SPTB: variants seen among roughly 807,000 people sequenced by gnomAD.
The protein encoded by SPTB is spectrin beta, erythrocytic.
A neutral mutation model predicts 256.2 loss-of-function variants in SPTB; 45 were observed. The observed-to-expected ratio is 0.18, with a 90% CI of 0.14 to 0.23. The LOEUF (loss-of-function observed/expected upper bound fraction) is 0.23. Among genes scored for constraint, SPTB ranks in the 10% least tolerant of loss-of-function variants. The pLI is 1.00. For synonymous variants in SPTB, 1,231 were observed against 1,243.1 expected, an observed-to-expected ratio of 0.99 and a Z score of 0.21; for missense variants, 2,715 against 3,040.4, an observed-to-expected ratio of 0.89 and a Z score of 2.52.
intron 1 of SPTB, among the ~76,000 whole-genome samples, chr14:64,840,390 A>G (rs2083588267): frequency 2.0e-5 from 3 of 152,242 alleles, no homozygotes; most frequent in Admixed American, 6.5e-5. Flanking sequence ...TTTTTGTGAC[A>G]TTCGTTTAGA....
rs1398840374 is a variant in SPTB at position 64,844,444 on chromosome 14, T to C, written c.-51-21299A>G. On this transcript the variant is annotated intron_variant, in intron 1 of 35. Transcript: ENST00000644917. This position sits in a 1 kb window ranked among gnomAD's most constrained non-coding sequence, Gnocchi z 4.1. ...CACCATGCTAAGTGCCTGACATACA[T>C]ACCTCCTTTCATCATCAGTGCTCTC... Among the ~76,000 whole-genome samples, 1 of 152,230 alleles carries C rather than the reference T, an allele frequency of 6.6e-6. No individual in the cohort carries two copies. The highest frequency in any genetic ancestry group is 1.5e-5 in the Non-Finnish European group (1 of 68,040).
intron 2 of SPTB, among the ~76,000 whole-genome samples, chr14:64,820,922 C>T (rs2083275058): frequency 6.6e-6 from 1 of 152,114 alleles, no homozygotes; most frequent in Non-Finnish European, 1.5e-5. Context: ...AAGCCATACA[C>T]TTACCTCAGG....
In SPTB at chr14:64,797,467, CAAAAAAAAAAAAAAAAAAA is replaced by C. The variant is rs57385615; in HGVS notation, c.1182+243_1182+261del. ...GGGTGACAGAGTGAGACCCTGTCTC[CAAAAAAAAAAAAAAAAAAA>C]AAAAAAAAAAAAAAAAGGACTCAGG... is the stretch of plus-strand genomic sequence containing the variant. On this transcript the variant is annotated intron_variant, in intron 10 of 35. Coordinates refer to ENST00000644917, the MANE Select transcript of SPTB (RefSeq NM_001355436.2). Among the ~76,000 whole-genome samples the C allele has an allele frequency of 2.9e-4, 9 of 31,010 alleles. No homozygotes were observed. The East Asian group carries it at 6.0e-3, about 21-fold the overall frequency. 20.3% of individuals were successfully genotyped at this position (31,010 alleles called of 152,430 possible). A position where few individuals can be genotyped will look rare whatever the true frequency, so the allele number is the denominator to read the frequency against.
In SPTB at chr14:64,773,347, C is replaced by A. The variant is rs148074782; in HGVS notation, c.5051G>T (p.Arg1684Leu). The A allele has an allele frequency of 8.7e-6, 14 of 1,614,070 alleles. No individual in the cohort carries two copies. The East Asian group carries it at 1.6e-4, about 18-fold the overall frequency. ...GLKDVAEERK[R>L]KLENMYHLFQ... Reference sequence around the variant, plus strand: ...CAGGTGGTACATGTTCTCCAGCTTGCGCTTGCGCTCTTCCGCCACGTCCTT... The same window carrying A: ...CAGGTGGTACATGTTCTCCAGCTTGAGCTTGCGCTCTTCCGCCACGTCCTT... The change falls in exon 25 of 36, where the codon CGC becomes CTC. Residue 1684 changes from arginine to leucine, a missense_variant. This residue lies in a region of SPTB where 2,239 missense variants were observed against 2,384.4 expected (regional missense o/e 0.94). Coordinates refer to ENST00000644917, the MANE Select transcript of SPTB (RefSeq NM_001355436.2).
At position 64,769,651 on chromosome 14, in the gene SPTB, A is replaced by G. The variant is rs199572062; in HGVS notation, c.5876T>C (p.Phe1959Ser). ...CTCGCCAAGCTCCAGGCAGGCACTG[A>G]AGTTCTTGCTCCGGGTTTCAATCTC... ...NAEIETRSKN[F>S]SACLELGESL... is the part of the protein sequence containing the mutation. Residue 1959 changes from phenylalanine to serine, a missense_variant, in exon 28 of 36, where the codon TTC becomes TCC. Physicochemically the swap from Phe to Ser is radical, Grantham distance 155. Around this residue, in one of 4 missense-constraint regions of SPTB, gnomAD observed 2,239 missense variants for 2,384.4 expected, o/e 0.94. Coordinates refer to ENST00000644917, the MANE Select transcript of SPTB (RefSeq NM_001355436.2). 1.9e-6 allele frequency: 3 copies of G among 1,614,132 alleles called. No homozygotes were observed. The Admixed American group carries it at 5.0e-5, about 27-fold the overall frequency.
At position 64,798,512 on chromosome 14, in the gene SPTB, G is replaced by A. The variant is rs146231748; in HGVS notation, c.1065-666C>T. On this transcript the variant is annotated intron_variant, in intron 9 of 35. Transcript: ENST00000644917. The stretch of plus-strand genomic sequence containing the variant: ...CTTCCACATTTCTGCATGTACCTAA[G>A]TGTCCACCCATTTCTGCATCCTTGA... Among the ~76,000 whole-genome samples, 14 of 152,314 alleles carry A rather than the reference G, an allele frequency of 9.2e-5. No homozygotes were observed. The East Asian group carries it at 2.7e-3, about 29-fold the overall frequency.
intron 24 of SPTB, among the ~76,000 whole-genome samples, chr14:64,773,667 C>T (rs1342770326): frequency 1.3e-5 from 2 of 152,208 alleles, no homozygotes; most frequent in Admixed American, 6.5e-5. Context: ...CCCATGGTGC[C>T]CCTCACTCTG....
At chr14:64,832,636 A>C (rs1001988788) in intron 1 of SPTB, among the ~76,000 whole-genome samples, 1 of 152,028 alleles carries the variant, frequency 6.6e-6, no homozygotes, top group East Asian at 1.9e-4. Flanking sequence ...CAAGCCCCTC[A>C]TGTTCACCCT....
At chr14:64,872,872 G>A (rs1292822140) in intron 1 of SPTB, among the ~76,000 whole-genome samples, 1 of 152,212 alleles carries the variant, frequency 6.6e-6, no homozygotes, top group South Asian at 2.1e-4. Context: ...CTGCCACCAT[G>A]TATGACATGC....
Position 64,775,120 on chromosome 14 carries a change from C to G in SPTB, c.4842+5G>C. The G allele has an allele frequency of 6.2e-7, 1 of 1,613,806 alleles. No homozygotes were observed. Among genetic ancestry groups the G allele is most frequent in the East Asian group, 2.2e-5 (1 of 44,898 alleles). The stretch of plus-strand genomic sequence containing the variant: ...CCCTGGCTGGTATCCCCTGCCCGAA[C>G]AGACCTTGGGGATCTCATCGGAGAT... On this transcript the variant is annotated splice_donor_5th_base_variant and intron_variant, in intron 23 of 35. Coordinates refer to ENST00000644917, the MANE Select transcript of SPTB (RefSeq NM_001355436.2). The surrounding 1 kb of genome is among the most constrained non-coding windows in gnomAD (Gnocchi z 5.0).
chr14:64,755,033 G>A (rs1368193256), intron 32 of SPTB: 1 of 152,292 alleles, frequency 6.6e-6, no homozygotes, highest in East Asian at 1.9e-4. Flanking sequence ...CCAAGCAGCT[G>A]GATGCCTGAA....
At chr14:64,762,996 TC>T (rs2082116071) in intron 32 of SPTB, among the ~76,000 whole-genome samples, 1 of 152,288 alleles carries the variant, frequency 6.6e-6, no homozygotes, top group African/African-American at 2.4e-5. Context: ...AGTTCACACT[TC>T]ACTTCCCAAA....
chr14:64,749,580 T>G lies in SPTB; in HGVS notation c.6819+74A>C. 1 of 1,607,958 alleles carries G rather than the reference T, an allele frequency of 6.2e-7. No homozygotes were observed. Among genetic ancestry groups the G allele is most frequent in the Non-Finnish European group, 8.5e-7 (1 of 1,179,074 alleles). On this transcript the variant is annotated intron_variant, in intron 35 of 35. Coordinates refer to ENST00000644917, the MANE Select transcript of SPTB (RefSeq NM_001355436.2). The surrounding 1 kb of genome is among the most constrained non-coding windows in gnomAD (Gnocchi z 4.7). ...TGGGACTGCCCCTTCTGAGGGGGCCTCCAGGGCAAGCGGCCTGGGGTCCTC... is the reference window on the plus strand; with the variant it reads ...TGGGACTGCCCCTTCTGAGGGGGCCGCCAGGGCAAGCGGCCTGGGGTCCTC...
chr14:64,830,742 C>G (rs1159694583), intron 1 of SPTB, among the ~76,000 whole-genome samples: 1 of 152,150 alleles, frequency 6.6e-6, no homozygotes, highest in Non-Finnish European at 1.5e-5. Context: ...CACCCCTACC[C>G]TGTAAGCTTT....
Position 64,793,633 on chromosome 14 carries a change from C to T in SPTB, c.2030G>A (p.Arg677His), listed in dbSNP as rs138774947. The change falls in exon 14 of 36, where the codon CGC becomes CAC. Residue 677 changes from arginine to histidine, a missense_variant. Physicochemically the swap from Arg to His is conservative, Grantham distance 29 (BLOSUM62 0). Around this residue, in one of 4 missense-constraint regions of SPTB, gnomAD observed 2,239 missense variants for 2,384.4 expected, o/e 0.94. Transcript: ENST00000644917. This position sits in a 1 kb window ranked among gnomAD's most constrained non-coding sequence, Gnocchi z 7.0. Reference sequence around the variant, plus strand: ...CTCATCCTCAAAGGCCTTGTGCTTGCGCTGTAAGATGAGCACACTGGTCAG... The same window carrying T: ...CTCATCCTCAAAGGCCTTGTGCTTGTGCTGTAAGATGAGCACACTGGTCAG... ...KDLTSVLILQ[R>H]KHKAFEDELR... is the part of the protein sequence containing the mutation. The T allele has an allele frequency of 4.8e-5, 78 of 1,614,046 alleles. No individual in the cohort carries two copies. In the African/African-American group the frequency reaches 5.6e-4, roughly 12 times the overall value.
rs530712397 is a variant in SPTB, at chr14:64,801,963, G to A, written c.567-129C>T. On this transcript the variant is annotated intron_variant, in intron 5 of 35. Coordinates refer to ENST00000644917, the MANE Select transcript of SPTB (RefSeq NM_001355436.2). Reference sequence around the variant, plus strand: ...CTTTCTTGAGCCAGGTCACCAAGAGGGGGCAGCAGCTAACCACACACAGAG... The same window carrying A: ...CTTTCTTGAGCCAGGTCACCAAGAGAGGGCAGCAGCTAACCACACACAGAG... The A allele has an allele frequency of 2.7e-4, 267 of 973,154 alleles. 1 individual carries two copies. Among genetic ancestry groups the A allele is most frequent in the Non-Finnish European group, 4.0e-4 (250 of 617,458 alleles). The allele number at this position is 973,154 out of a possible 1,614,324, so 60.3% of individuals were successfully genotyped here.
intron 1 of SPTB, among the ~76,000 whole-genome samples, chr14:64,877,089 G>A (rs1882859316): frequency 6.6e-6 from 1 of 150,870 alleles, no homozygotes; most frequent in Non-Finnish European, 1.5e-5. Context: ...CTATCACACT[G>A]TCCCTATGTA....
At chr14:64,837,470 T>C (rs898437146) in intron 1 of SPTB, among the ~76,000 whole-genome samples, 2 of 152,200 alleles carry the variant, frequency 1.3e-5, no homozygotes, top group African/African-American at 4.8e-5. Context: ...AAATATACCA[T>C]GCCTAGGGAT....
At chr14:64,821,636 G>A (rs1043179751) in intron 2 of SPTB, among the ~76,000 whole-genome samples, 1 of 152,170 alleles carries the variant, frequency 6.6e-6, no homozygotes, top group Non-Finnish European at 1.5e-5. Flanking sequence ...AAAAGCAATG[G>A]GTCACCGTTA....
Sources: gnomAD v4.1 joint callset for allele counts (sites outside exome capture counted in the v4.1 genomes callset) on GRCh38, gnomAD v4.1.1 for gene constraint, gnomAD v4.1.1 regional missense constraint, Gnocchi (gnomAD v3.1) non-coding constraint, MANE v1.5 for transcripts, NCBI Gene and HGNC (gene_info 2026-07-23, HGNC 2026-07-21) for gene names.